Variants in ATAD5 observed in about 807,000 individuals in gnomAD.
ATAD5 encodes ATPase family AAA domain containing 5.
In ATAD5, 58 loss-of-function variants were observed where a neutral mutation model predicts 176.9. That is an observed-to-expected ratio of 0.33 (90% CI 0.27 to 0.41). The LOEUF is 0.41. Ranked by LOEUF, ATAD5 falls within the 10% of genes least tolerant of loss-of-function variation. ATAD5 has a pLI of 1.00. For missense variants in ATAD5, 1,789 were observed against 2,094.1 expected, an observed-to-expected ratio of 0.85 and a Z score of 2.84; for synonymous variants, 640 against 712.6, an observed-to-expected ratio of 0.90 and a Z score of 1.62.
At chr17:30,869,055 T>A (rs1428622505) in intron 12 of ATAD5, among the ~76,000 whole-genome samples, 193 bp from the exon 13 acceptor site, 6 of 151,988 alleles carry the variant, frequency 3.9e-5, no homozygotes, top group Non-Finnish European at 7.4e-5. Context: ...CTCGAACTCC[T>A]GACCTTGTGA....
chr17:30,872,405 G>C (rs1368377694), intron 14 of ATAD5, among the ~76,000 whole-genome samples: 1 of 152,028 alleles, frequency 6.6e-6, no homozygotes, highest in African/African-American at 2.4e-5. Context: ...TGTTTCCTCT[G>C]ATCTTTCACT....
chr17:30,876,367 T>G lies in ATAD5; in HGVS notation c.3608-7T>G. ...TTTATCTTTAAGTGCAATTTGTTTT[T>G]GGGCAGAAAAAATAAGCTCCCCTAA... On this transcript the variant is annotated splice_polypyrimidine_tract_variant and splice_region_variant and intron_variant, in intron 14 of 22. Transcript: ENST00000321990. 1.9e-6 allele frequency: 3 copies of G among 1,570,610 alleles called. No individual in the cohort carries two copies. Among genetic ancestry groups the G allele is most frequent in the Non-Finnish European group, 2.6e-6 (3 of 1,163,360 alleles).
chr17:30,858,035 C>T (rs547418673), intron 8 of ATAD5, 126 bp from the exon 9 acceptor site: 11 of 830,066 alleles, frequency 1.3e-5, no homozygotes, highest in African/African-American at 1.8e-5. Context: ...TGAGCCACCA[C>T]GCCCGGCCTA....
intron 5 of ATAD5, 57 bp from the exon 6 acceptor site, chr17:30,844,775 AAGT>A: frequency 9.8e-7 from 1 of 1,018,462 alleles, no homozygotes; most frequent in Non-Finnish European, 1.5e-6. Flanking sequence ...AAAAAAAAGA[AAGT>A]AGCTGAAGGT....
In ATAD5 at chr17:30,834,328, A is replaced by G. The variant is rs557643881; in HGVS notation, c.247A>G (p.Lys83Glu). The G allele has an allele frequency of 2.5e-6, 4 of 1,612,114 alleles. No individual in the cohort carries two copies. Among genetic ancestry groups the G allele is most frequent in the South Asian group, 2.2e-5 (2 of 90,612 alleles). ...NEKTQLGKEC[K>E]IKSPESVPVD... ...GAAGACACAATTAGGGAAAGAGTGCAAGATAAAGTCACCTGAATCAGTACC... is the reference window on the plus strand; with the variant it reads ...GAAGACACAATTAGGGAAAGAGTGCGAGATAAAGTCACCTGAATCAGTACC... The change falls in exon 2 of 23, where the codon AAG becomes GAG. Residue 83 changes from lysine to glutamate, a missense_variant. Physicochemically the swap from Lys to Glu is moderately conservative, Grantham distance 56 (BLOSUM62 1). Coordinates refer to ENST00000321990, the MANE Select transcript of ATAD5 (RefSeq NM_024857.5).
chr17:30,847,847 G>A (rs1906620868), intron 6 of ATAD5, among the ~76,000 whole-genome samples: 1 of 150,834 alleles, frequency 6.6e-6, no homozygotes, highest in African/African-American at 2.4e-5. Context: ...AGCCTCCCGA[G>A]TAGCTGGGAC....
intron 6 of ATAD5, among the ~76,000 whole-genome samples, chr17:30,853,841 C>G (rs1260686088): frequency 6.6e-6 from 1 of 152,020 alleles, no homozygotes; most frequent in Non-Finnish European, 1.5e-5. Context: ...GGACCCTACT[C>G]TTCCTCCTGT....
chr17:30,852,519 G>T (rs1907031287), intron 6 of ATAD5, among the ~76,000 whole-genome samples: 1 of 152,118 alleles, frequency 6.6e-6, no homozygotes, highest in African/African-American at 2.4e-5. Flanking sequence ...TACTGTGTTT[G>T]TCTGTTTTGC....
intron 16 of ATAD5, 63 bp downstream of exon 16, chr17:30,877,612 G>C: frequency 6.8e-7 from 1 of 1,468,742 alleles, no homozygotes; most frequent in South Asian, 1.3e-5. Context: ...AAAGAATACT[G>C]TATGTTTTCT....
chr17:30,885,581 T>G (rs1467506647), intron 18 of ATAD5, among the ~76,000 whole-genome samples: 2 of 151,880 alleles, frequency 1.3e-5, no homozygotes, highest in Non-Finnish European at 1.5e-5. Flanking sequence ...TTTTCATACC[T>G]TCTTTTTATC....
Position 30,878,032 on chromosome 17 carries a change from GT to G in ATAD5, c.3953del (p.Leu1318Ter). On this transcript the variant is annotated frameshift_variant, in exon 17 of 23. Transcript: ENST00000321990. LOFTEE classifies it high-confidence loss of function. ...VDVIFDEDAGFLNAIKTFMAT... is the reference protein window; with the variant it reads ...VDVIFDEDAGXLNAIKTFMAT... ...ATGTAATTTTTGATGAAGATGCTGG[GT>G]TTTTGAATGCAATCAAAACATTCAT... 1 of 1,611,048 alleles carries G rather than the reference GT, an allele frequency of 6.2e-7. No individual in the cohort carries two copies. The highest frequency in any genetic ancestry group is 8.5e-7 in the Non-Finnish European group (1 of 1,178,356).
rs547584263 is a variant in ATAD5 at position 30,837,179 on chromosome 17, T to C, written c.1968-27T>C. The C allele has an allele frequency of 4.9e-5, 61 of 1,253,316 alleles. No individual in the cohort carries two copies. In the African/African-American group the frequency reaches 7.6e-4, roughly 16 times the overall value. 77.6% of individuals were successfully genotyped at this position (1,253,316 alleles called of 1,614,324 possible). A position where few individuals can be genotyped will look rare whatever the true frequency, so the allele number is the denominator to read the frequency against. ...TGTGTATGTTATAATCATGAAAATGTTTCTGAATACCTTATTTTTATTTCA... is the reference window on the plus strand; with the variant it reads ...TGTGTATGTTATAATCATGAAAATGCTTCTGAATACCTTATTTTTATTTCA... On this transcript the variant is annotated intron_variant, in intron 2 of 22. Transcript: ENST00000321990.
rs573652334 is a variant in ATAD5, at chr17:30,835,025, A to C, written c.944A>C (p.Gln315Pro). 1 of 1,614,002 alleles carries C rather than the reference A, an allele frequency of 6.2e-7. No individual in the cohort carries two copies. Among genetic ancestry groups the C allele is most frequent in the Non-Finnish European group, 8.5e-7 (1 of 1,179,982 alleles). The change falls in exon 2 of 23, where the codon CAG (glutamine) becomes CCG (proline). Residue 315 changes from glutamine to proline, a missense_variant. By Grantham distance (76) the Gln-to-Pro change is moderately conservative. This residue lies in a region of ATAD5 where 696 missense variants were observed against 712.5 expected (regional missense o/e 0.98). Coordinates refer to ENST00000321990, the MANE Select transcript of ATAD5 (RefSeq NM_024857.5). ...ISESENSEIS[Q>P]QVRFKTVTVL... ...GAATCAGAAAACTCCGAAATTTCCC[A>C]GCAGGTACGCTTTAAGACAGTTACT...
At chr17:30,888,831 G>T (rs1909465917) in intron 19 of ATAD5, among the ~76,000 whole-genome samples, 2 of 151,996 alleles carry the variant, frequency 1.3e-5, no homozygotes, top group Non-Finnish European at 2.9e-5. Context: ...ACTTTGGAAG[G>T]CCGAGGCGGT....
intron 9 of ATAD5, among the ~76,000 whole-genome samples, chr17:30,859,238 G>A (rs1002116218): frequency 2.6e-5 from 4 of 152,198 alleles, no homozygotes; most frequent in Non-Finnish European, 5.9e-5. Flanking sequence ...AAAATATTAT[G>A]TACTTAAGGA....
chr17:30,879,531 A>C lies in ATAD5; in HGVS notation c.4077+44A>C, dbSNP rs191477958. On this transcript the variant is annotated intron_variant, in intron 18 of 22. Transcript: ENST00000321990. ...TAGCCACAAATTACATATCACCATC[A>C]TGTAAAAGTAGTTTATTATTAAATA... is the stretch of plus-strand genomic sequence containing the variant. The C allele has an allele frequency of 7.5e-3, 11,380 of 1,507,338 alleles. 77 individuals carry two copies. Among genetic ancestry groups the C allele is most frequent in the Admixed American group, 9.7e-3 (457 of 47,042 alleles). 93.4% of individuals were successfully genotyped at this position (1,507,338 alleles called of 1,614,324 possible). A position where few individuals can be genotyped will look rare whatever the true frequency, so the allele number is the denominator to read the frequency against.
intron 8 of ATAD5, among the ~76,000 whole-genome samples, 159 bp from the exon 9 acceptor site, chr17:30,858,002 C>T (rs535398287): frequency 6.6e-6 from 1 of 152,082 alleles, no homozygotes; most frequent in African/African-American, 2.4e-5. Flanking sequence ...TCTTGGCCTC[C>T]CAAAGTGCTG....
chr17:30,876,630 G>A, intron 15 of ATAD5, 80 bp downstream of exon 15: 1 of 706,424 alleles, frequency 1.4e-6, no homozygotes. Flanking sequence ...CATTTTACGA[G>A]TTCCTGTTGC....
chr17:30,887,970 T>G (rs867070407), intron 19 of ATAD5, among the ~76,000 whole-genome samples: 42 of 152,102 alleles, frequency 2.8e-4, no homozygotes, highest in African/African-American at 1.0e-3. Context: ...TAGCTGGGAT[T>G]ACAGGCCCCC....
Sources: gnomAD v4.1 joint callset for allele counts (sites outside exome capture counted in the v4.1 genomes callset) on GRCh38, gnomAD v4.1.1 for gene constraint, gnomAD v4.1.1 regional missense constraint, MANE v1.5 for transcripts, NCBI Gene and HGNC (gene_info 2026-07-23, HGNC 2026-07-21) for gene names.